The following DLGAP2 variants were observed in gnomAD, a reference collection of about 807,000 sequenced individuals.
DLGAP2 encodes DLG associated protein 2.
DLGAP2 carries 26 observed loss-of-function variants against 100.3 expected under a neutral mutation model. That is an observed-to-expected ratio of 0.26 (90% confidence interval 0.19 to 0.36). The LOEUF (loss-of-function observed/expected upper bound fraction) is 0.36. Ranked by LOEUF, DLGAP2 falls within the 10% of genes least tolerant of loss-of-function variation. The pLI is 1.00. For synonymous variants in DLGAP2, 886 were observed against 630.1 expected, an observed-to-expected ratio of 1.41 and a Z score of -6.08; for missense variants, 1,858 against 1,453.2, an observed-to-expected ratio of 1.28 and a Z score of -4.53.
intron 13 of DLGAP2, among the ~76,000 whole-genome samples, chr8:1,695,881 G>A (rs546429103): frequency 3.3e-5 from 5 of 152,344 alleles, no homozygotes; most frequent in South Asian, 2.1e-4. Flanking sequence ...GGCTGAGTTC[G>A]GGCTCCCAGC....
At chr8:1,298,436 G>A (rs895213899) in intron 3 of DLGAP2, among the ~76,000 whole-genome samples, 3 of 152,260 alleles carry the variant, frequency 2.0e-5, no homozygotes, top group African/African-American at 7.2e-5. Flanking sequence ...AGTGTGACAC[G>A]TTCTGTACTG....
intron 2 of DLGAP2, among the ~76,000 whole-genome samples, chr8:1,026,453 C>T (rs1030266887): frequency 1.8e-4 from 28 of 152,258 alleles, no homozygotes; most frequent in Non-Finnish European, 1.6e-4. Flanking sequence ...CACTGGGCCC[C>T]GGCTGCACGT....
At position 981,191 on chromosome 8, in the gene DLGAP2, G is replaced by C. The variant is rs1800321539; in HGVS notation, c.73+73225G>C. Among the ~76,000 whole-genome samples the C allele has an allele frequency of 1.3e-5, 2 of 152,052 alleles. 1 individual carries two copies. The highest frequency in any genetic ancestry group is 4.2e-4 in the South Asian group (2 of 4,816). ...TACGGCATTTGTCCTTTGGTGCCTG[G>C]CTTATTTCACTTAGCATAGTGTTTC... On this transcript the variant is annotated intron_variant, in intron 2 of 14. Coordinates refer to ENST00000637795, the MANE Select transcript of DLGAP2 (RefSeq NM_001346810.2).
chr8:739,893 G>C (rs1585810453), intron 1 of DLGAP2: 2 of 152,344 alleles, frequency 1.3e-5, no homozygotes, highest in Non-Finnish European at 2.9e-5. Context: ...TGGAGGGACC[G>C]AGGTGACACA....
intron 2 of DLGAP2, among the ~76,000 whole-genome samples, chr8:1,157,916 AC>A (rs1422453122): frequency 6.6e-6 from 1 of 152,200 alleles, no homozygotes; most frequent in Non-Finnish European, 1.5e-5. Flanking sequence ...CACCTTGTGT[AC>A]GTCAACAGTT....
intron 3 of DLGAP2, among the ~76,000 whole-genome samples, chr8:1,431,734 C>T (rs993757906): frequency 2.0e-5 from 3 of 150,310 alleles, no homozygotes; most frequent in Non-Finnish European, 4.5e-5. Context: ...GGCTATTGGG[C>T]AGCTTACTCA....
chr8:1,287,528 AGTGT>A (rs72312295), intron 3 of DLGAP2, among the ~76,000 whole-genome samples: 1 of 67,292 alleles, frequency 1.5e-5, no homozygotes, highest in East Asian at 4.5e-4. Flanking sequence ...GTTTTGGTTC[AGTGT>A]GTGTGTGTGT....
At chr8:1,447,631 C>G (rs1219407767) in intron 3 of DLGAP2, among the ~76,000 whole-genome samples, 4 of 152,172 alleles carry the variant, frequency 2.6e-5, no homozygotes, top group African/African-American at 4.8e-5. Context: ...CCATCTTTTT[C>G]TATTGATTGG....
chr8:1,598,055 T>G (rs116280876), intron 6 of DLGAP2, among the ~76,000 whole-genome samples: 2,821 of 152,322 alleles, frequency 0.019, 76 homozygotes, highest in African/African-American at 0.063. Context: ...CCTAGTTTAT[T>G]GAGAGCTTTT....
At chr8:1,626,933 C>A in intron 7 of DLGAP2, 46 bp downstream of exon 7, 8 of 1,550,702 alleles carry the variant, frequency 5.2e-6, no homozygotes, top group Non-Finnish European at 7.0e-6. Flanking sequence ...GTCTCCCCAG[C>A]CAGGCTGGCA....
At chr8:1,443,211 C>T (rs951278667) in intron 3 of DLGAP2, among the ~76,000 whole-genome samples, 1 of 152,112 alleles carries the variant, frequency 6.6e-6, no homozygotes, top group African/African-American at 2.4e-5. Context: ...CATATAATCC[C>T]AGCGCCCAGC....
chr8:1,212,206 C>G (rs972725157), intron 2 of DLGAP2, among the ~76,000 whole-genome samples: 5 of 152,230 alleles, frequency 3.3e-5, no homozygotes, highest in South Asian at 2.1e-4. Context: ...ATCTTTCAAT[C>G]TTTCAAAGAC....
chr8:756,200 G>A (rs915193083), intron 1 of DLGAP2, among the ~76,000 whole-genome samples: 5 of 152,168 alleles, frequency 3.3e-5, no homozygotes, highest in African/African-American at 1.2e-4. Flanking sequence ...GGAGGAGCTG[G>A]CGTCTGGGGG....
chr8:771,122 G>C (rs1821346120), intron 1 of DLGAP2, among the ~76,000 whole-genome samples: 1 of 152,140 alleles, frequency 6.6e-6, no homozygotes, highest in Non-Finnish European at 1.5e-5. Context: ...GAATCAAGTA[G>C]TGATTGTAAA....
At chr8:1,119,973 A>G (rs2129047351) in intron 2 of DLGAP2, among the ~76,000 whole-genome samples, 1 of 152,320 alleles carries the variant, frequency 6.6e-6, no homozygotes, top group South Asian at 2.1e-4. Context: ...GCTAAGATGA[A>G]AAGTGGGACT....
intron 3 of DLGAP2, among the ~76,000 whole-genome samples, chr8:1,447,400 A>G (rs1055330895): frequency 5.3e-5 from 8 of 152,172 alleles, no homozygotes; most frequent in Admixed American, 2.0e-4. Flanking sequence ...ATTGATTTGC[A>G]TATGTTGAAC....
chr8:1,463,681 G>A (rs1798525735), intron 3 of DLGAP2, among the ~76,000 whole-genome samples: 1 of 152,254 alleles, frequency 6.6e-6, no homozygotes. Context: ...TTCCCAGCAA[G>A]CATTCGTGAA....
chr8:1,280,035 G>A (rs1799784557), intron 3 of DLGAP2, among the ~76,000 whole-genome samples: 1 of 152,346 alleles, frequency 6.6e-6, no homozygotes, highest in Non-Finnish European at 1.5e-5. Context: ...TTAGAATTCA[G>A]TAACTTGCTG....
intron 3 of DLGAP2, among the ~76,000 whole-genome samples, chr8:1,459,841 A>T (rs1798424747): frequency 6.6e-6 from 1 of 151,892 alleles, no homozygotes; most frequent in South Asian, 2.1e-4. Context: ...GCGCACCACC[A>T]CGCCCGGCTA....
Sources: gnomAD v4.1 joint callset for allele counts (sites outside exome capture counted in the v4.1 genomes callset) on GRCh38, gnomAD v4.1.1 for gene constraint, MANE v1.5 for transcripts, NCBI Gene and HGNC (gene_info 2026-07-23, HGNC 2026-07-21) for gene names.